KCNB2: variants seen among roughly 807,000 people sequenced by gnomAD.
The protein encoded by KCNB2 is potassium voltage-gated channel subfamily B member 2.
A neutral mutation model predicts 61.5 loss-of-function variants in KCNB2; 15 were observed. That is an observed-to-expected ratio of 0.24 (90% confidence interval 0.16 to 0.38). KCNB2 has a LOEUF of 0.38. Ranked by LOEUF, KCNB2 falls within the 10% of genes least tolerant of loss-of-function variation. KCNB2 has a pLI of 1.00. For missense variants in KCNB2, 828 were observed against 1,125.2 expected (o/e 0.74, Z 3.78); for synonymous variants, 457 against 446.0 (o/e 1.02, Z -0.31).
At chr8:72,561,725 A>ATG (rs1273535594) in intron 1 of KCNB2, among the ~76,000 whole-genome samples, 1 of 28,328 alleles carries the variant, frequency 3.5e-5, no homozygotes, top group African/African-American at 2.2e-4. Context: ...ATATATATAT[A>ATG]TATCTATATC....
chr8:72,733,490 C>T (rs1807785149), intron 2 of KCNB2, among the ~76,000 whole-genome samples: 1 of 152,158 alleles, frequency 6.6e-6, no homozygotes, highest in Admixed American at 6.5e-5. Flanking sequence ...TACTCTACCA[C>T]TAATTAAATA....
intron 2 of KCNB2, among the ~76,000 whole-genome samples, chr8:72,578,628 G>A (rs1806842369): frequency 6.6e-6 from 1 of 152,146 alleles, no homozygotes; most frequent in Non-Finnish European, 1.5e-5. Context: ...TTTACCAAGT[G>A]CTAGTCACAC....
intron 2 of KCNB2, among the ~76,000 whole-genome samples, chr8:72,627,965 T>G (rs1337623877): frequency 2.0e-5 from 3 of 152,224 alleles, no homozygotes; most frequent in Non-Finnish European, 4.4e-5. Context: ...TTTTGTTTTT[T>G]TTCTTTGAGA....
At chr8:72,769,889 G>C (rs1035722997) in intron 2 of KCNB2, among the ~76,000 whole-genome samples, 2 of 152,106 alleles carry the variant, frequency 1.3e-5, no homozygotes, top group Non-Finnish European at 2.9e-5. Context: ...CATATTTATG[G>C]TTTGGTGTCA....
chr8:72,678,161 T>C lies in KCNB2; in HGVS notation c.579+109848T>C, dbSNP rs148087539. On this transcript the variant is annotated intron_variant, in intron 2 of 2. Transcript: ENST00000523207. The stretch of plus-strand genomic sequence containing the variant: ...ATCGATTATATGAGAAAATAACATA[T>C]AACATTTAAGCACTTTTCACCACCT... Among the ~76,000 whole-genome samples, 44 of 152,310 alleles carry C rather than the reference T, an allele frequency of 2.9e-4. No homozygotes were observed. In the East Asian group the frequency reaches 6.9e-3, roughly 24 times the overall value.
intron 1 of KCNB2, among the ~76,000 whole-genome samples, chr8:72,538,355 A>C (rs1806144923): frequency 6.6e-6 from 1 of 152,122 alleles, no homozygotes; most frequent in African/African-American, 2.4e-5. Context: ...TCTCTAAGGA[A>C]AGAGCTTCAT....
chr8:72,883,021 A>G (rs11780116), intron 2 of KCNB2, among the ~76,000 whole-genome samples: 22,222 of 151,854 alleles, frequency 0.15, 2,045 homozygotes, highest in African/African-American at 0.26. Flanking sequence ...ACACCTGCCC[A>G]TGTCTGGATC....
intron 2 of KCNB2, among the ~76,000 whole-genome samples, chr8:72,721,863 T>C (rs1355350859): frequency 6.6e-6 from 1 of 152,204 alleles, no homozygotes; most frequent in Admixed American, 6.5e-5. Flanking sequence ...GTGCTCCTTC[T>C]CTGAGCTCCA....
intron 2 of KCNB2, among the ~76,000 whole-genome samples, chr8:72,731,123 A>G (rs150755988): frequency 9.9e-5 from 15 of 152,270 alleles, no homozygotes; most frequent in African/African-American, 3.6e-4. Flanking sequence ...TGGTCTATAA[A>G]GGTGGATTGG....
intron 2 of KCNB2, among the ~76,000 whole-genome samples, chr8:72,837,739 A>G (rs1014665260): frequency 2.0e-5 from 3 of 152,300 alleles, no homozygotes; most frequent in South Asian, 2.1e-4. Context: ...ACCCCATAGC[A>G]ATGAAACCAC....
intron 2 of KCNB2, among the ~76,000 whole-genome samples, chr8:72,640,028 T>G (rs1806030651): frequency 6.6e-6 from 1 of 151,858 alleles, no homozygotes; most frequent in South Asian, 2.1e-4. Context: ...CAGGAGTCGT[T>G]GGTCAAATGC....
intron 2 of KCNB2, among the ~76,000 whole-genome samples, chr8:72,841,052 C>A (rs1007938576): frequency 4.6e-5 from 7 of 152,080 alleles, no homozygotes; most frequent in Admixed American, 4.6e-4. Context: ...ACATTTAAGT[C>A]TTTAATCCAT....
chr8:72,851,053 A>G (rs1295956709), intron 2 of KCNB2, among the ~76,000 whole-genome samples: 8 of 29,812 alleles, frequency 2.7e-4, no homozygotes, highest in Non-Finnish European at 7.0e-4. Flanking sequence ...ATATCCCATA[A>G]AAAGAGTTGA....
chr8:72,806,262 G>T (rs1424567850), intron 2 of KCNB2, among the ~76,000 whole-genome samples: 5 of 151,720 alleles, frequency 3.3e-5, no homozygotes, highest in Non-Finnish European at 7.4e-5. Context: ...GGAGGCTGAG[G>T]CAGGAGAATC....
At chr8:72,572,140 A>C (rs150221411) in intron 2 of KCNB2, among the ~76,000 whole-genome samples, 1 of 152,192 alleles carries the variant, frequency 6.6e-6, no homozygotes, top group African/African-American at 2.4e-5. Context: ...CACAGGGCCC[A>C]CACTTTGGAT....
rs184517686 is a variant in KCNB2 at position 72,819,936 on chromosome 8, C to A, written c.580-115999C>A. Among the ~76,000 whole-genome samples the A allele has an allele frequency of 2.0e-5, 3 of 152,248 alleles. No individual in the cohort carries two copies. The East Asian group carries it at 5.8e-4, about 29-fold the overall frequency. ...GTACCTGTGTCTTCATATTCTCCTA[C>A]CAGATGCCTCCACTCTAGTTGGCTG... is the stretch of plus-strand genomic sequence containing the variant. On this transcript the variant is annotated intron_variant, in intron 2 of 2. Transcript: ENST00000523207.
chr8:72,708,381 G>A (rs1807269322), intron 2 of KCNB2, among the ~76,000 whole-genome samples: 1 of 152,214 alleles, frequency 6.6e-6, no homozygotes, highest in South Asian at 2.1e-4. Context: ...GCTCGTGGAG[G>A]TGAATCTGCA....
intron 2 of KCNB2, among the ~76,000 whole-genome samples, chr8:72,632,618 G>T (rs951124138): frequency 1.3e-5 from 2 of 152,170 alleles, no homozygotes; most frequent in Admixed American, 6.5e-5. Context: ...TGTGAGGGGG[G>T]TGTCTTCATT....
intron 2 of KCNB2, among the ~76,000 whole-genome samples, chr8:72,911,720 C>T (rs1261131130): frequency 6.6e-6 from 1 of 152,178 alleles, no homozygotes; most frequent in Non-Finnish European, 1.5e-5. Context: ...GCACTAATTC[C>T]TTCTTTTCAC....
Sources: gnomAD v4.1 joint callset for allele counts (sites outside exome capture counted in the v4.1 genomes callset) on GRCh38, gnomAD v4.1.1 for gene constraint, MANE v1.5 for transcripts, NCBI Gene and HGNC (gene_info 2026-07-23, HGNC 2026-07-21) for gene names.